The following GRIP1 variants were observed in gnomAD, a reference collection of about 807,000 sequenced individuals.
The protein encoded by GRIP1 is glutamate receptor-interacting protein 1.
Under a neutral mutation model 129.9 loss-of-function variants are expected in GRIP1, and 45 were observed. The observed-to-expected ratio is 0.35, with a 90% confidence interval of 0.27 to 0.44. The LOEUF is 0.44. Ranked by LOEUF, GRIP1 falls within the 20% of genes least tolerant of loss-of-function variation. The pLI, the probability that GRIP1 is intolerant of heterozygous loss-of-function variation, is 1.00. For synonymous variants in GRIP1, 530 were observed against 520.8 expected (o/e 1.02, Z -0.24); for missense variants, 1,196 against 1,396.8 (o/e 0.86, Z 2.29).
intron 1 of GRIP1, among the ~76,000 whole-genome samples, chr12:66,768,102 C>T (rs1318869902): frequency 6.6e-6 from 1 of 152,126 alleles, no homozygotes; most frequent in African/African-American, 2.4e-5. Flanking sequence ...TCCAGTGACA[C>T]TGATTAAATG....
intron 2 of GRIP1, among the ~76,000 whole-genome samples, chr12:66,592,382 G>C (rs532561611): frequency 1.3e-5 from 2 of 152,134 alleles, no homozygotes; most frequent in South Asian, 4.1e-4. Flanking sequence ...GATGTAAACT[G>C]TACTCCCTTA....
intron 7 of GRIP1, among the ~76,000 whole-genome samples, chr12:66,468,331 TA>T (rs1460750079): frequency 6.6e-6 from 1 of 152,236 alleles, no homozygotes; most frequent in African/African-American, 2.4e-5. Context: ...CCTAGGTTCC[TA>T]AAATCTTCAG....
chr12:66,949,574 GA>G (rs2041722472), intron 1 of GRIP1, among the ~76,000 whole-genome samples: 1 of 151,998 alleles, frequency 6.6e-6, no homozygotes, highest in Admixed American at 6.6e-5. Flanking sequence ...ATCTTTTCTA[GA>G]AGAATGATTT....
intron 1 of GRIP1, among the ~76,000 whole-genome samples, chr12:66,719,706 C>T (rs991638495): frequency 6.6e-6 from 1 of 152,166 alleles, no homozygotes; most frequent in African/African-American, 2.4e-5. Context: ...GGCCATGAGG[C>T]CTTGGTCTCT....
intron 5 of GRIP1, among the ~76,000 whole-genome samples, chr12:66,524,850 C>A (rs2061164347): frequency 1.3e-5 from 2 of 152,108 alleles, no homozygotes; most frequent in East Asian, 1.9e-4. Flanking sequence ...AAGGGGATAT[C>A]ACCACTGATC....
chr12:66,773,475 C>T (rs536292439), intron 1 of GRIP1, among the ~76,000 whole-genome samples: 7 of 152,232 alleles, frequency 4.6e-5, no homozygotes, highest in African/African-American at 1.4e-4. Flanking sequence ...CCAAACACCG[C>T]ATGTTCTTGC....
At chr12:66,982,680 T>A (rs2042255843) in intron 1 of GRIP1, among the ~76,000 whole-genome samples, 1 of 152,164 alleles carries the variant, frequency 6.6e-6, no homozygotes, top group African/African-American at 2.4e-5. Context: ...TGAGTGAGCT[T>A]AGAAGTGGGT....
At chr12:66,931,497 G>A (rs924596320) in intron 1 of GRIP1, among the ~76,000 whole-genome samples, 6 of 152,102 alleles carry the variant, frequency 3.9e-5, no homozygotes, top group Non-Finnish European at 8.8e-5. Context: ...GAAAAACAAG[G>A]GAGAAATAGA....
chr12:66,499,578 A>G (rs2060330540), intron 7 of GRIP1, among the ~76,000 whole-genome samples: 1 of 152,218 alleles, frequency 6.6e-6, no homozygotes, highest in Admixed American at 6.5e-5. Flanking sequence ...GAGGAGAGAC[A>G]GTCACACACA....
intron 1 of GRIP1, among the ~76,000 whole-genome samples, chr12:66,744,432 T>C (rs1048852549): frequency 1.3e-5 from 2 of 152,204 alleles, no homozygotes; most frequent in Non-Finnish European, 2.9e-5. Flanking sequence ...ACAGATATTT[T>C]TGATGAGCTT....
chr12:66,401,732 A>G (rs1328177524), intron 16 of GRIP1, among the ~76,000 whole-genome samples: 1 of 151,866 alleles, frequency 6.6e-6, no homozygotes, highest in Non-Finnish European at 1.5e-5. Flanking sequence ...GAGGAAACTG[A>G]TGCTCAGAGA....
At chr12:66,526,298 C>G (rs1164447296) in intron 5 of GRIP1, among the ~76,000 whole-genome samples, 1 of 152,040 alleles carries the variant, frequency 6.6e-6, no homozygotes, top group African/African-American at 2.4e-5. Flanking sequence ...GCTACAGTAA[C>G]CAAAACAGCA....
At chr12:67,024,303 TGGGTCCAC>T (rs1265564029) in intron 1 of GRIP1, among the ~76,000 whole-genome samples, 2 of 152,162 alleles carry the variant, frequency 1.3e-5, no homozygotes, top group Non-Finnish European at 2.9e-5. Context: ...GAGTTCTGGC[TGGGTCCAC>T]GTTAGGAAGA....
intron 1 of GRIP1, among the ~76,000 whole-genome samples, chr12:66,838,887 T>C (rs2039664838): frequency 6.6e-6 from 1 of 152,184 alleles, no homozygotes; most frequent in Non-Finnish European, 1.5e-5. Flanking sequence ...GACTTCTATG[T>C]AGCCAATTTT....
chr12:66,891,023 T>C (rs145250529), intron 1 of GRIP1, among the ~76,000 whole-genome samples: 2 of 152,228 alleles, frequency 1.3e-5, no homozygotes, highest in East Asian at 3.8e-4. Context: ...TATTCTAAAA[T>C]TACATAGTGC....
At chr12:67,050,358 G>T (rs1295963461) in intron 1 of GRIP1, among the ~76,000 whole-genome samples, 1 of 152,062 alleles carries the variant, frequency 6.6e-6, no homozygotes, top group Non-Finnish European at 1.5e-5. Flanking sequence ...AAAATAATTA[G>T]ATTGATATAG....
At chr12:66,752,633 A>C (rs1725150863) in intron 1 of GRIP1, among the ~76,000 whole-genome samples, 1 of 152,152 alleles carries the variant, frequency 6.6e-6, no homozygotes, top group South Asian at 2.1e-4. Context: ...GTATGAACTG[A>C]ATTATTTAGC....
intron 1 of GRIP1, among the ~76,000 whole-genome samples, chr12:66,785,822 C>T (rs1419603938): frequency 6.6e-6 from 1 of 152,112 alleles, no homozygotes; most frequent in Non-Finnish European, 1.5e-5. Context: ...TGGCTCACAC[C>T]TATAATCTCA....
At chr12:66,524,987 T>C (rs539041798) in intron 5 of GRIP1, among the ~76,000 whole-genome samples, 52 of 152,198 alleles carry the variant, frequency 3.4e-4, no homozygotes, top group African/African-American at 1.1e-3. Flanking sequence ...CAGGAAGAAG[T>C]TGAATCTCTG....
Sources: allele counts gnomAD v4.1 joint callset (sites outside exome capture counted in the v4.1 genomes callset), GRCh38; gene constraint gnomAD v4.1.1; transcripts MANE v1.5; gene names NCBI Gene and HGNC (gene_info 2026-07-23, HGNC 2026-07-21).